The following CHST11 variants were observed in gnomAD, a reference collection of about 807,000 sequenced individuals.
CHST11 encodes the protein C4S-1.
A neutral mutation model predicts 30.4 loss-of-function variants in CHST11; 9 were observed. The ratio of observed to expected loss-of-function variants is 0.30; its 90% CI spans 0.18 to 0.52. The LOEUF is 0.52. CHST11 is among the 20% of genes least tolerant of loss of function. The pLI is 0.97. For synonymous variants in CHST11, 152 were observed against 187.8 expected (o/e 0.81, Z 1.56); for missense variants, 348 against 460.6 (o/e 0.76, Z 2.24).
At chr12:104,502,718 G>A (rs140440169) in intron 1 of CHST11, among the ~76,000 whole-genome samples, 188 of 152,292 alleles carry the variant, frequency 1.2e-3, no homozygotes, top group Admixed American at 5.2e-3. Context: ...AGACACCAGC[G>A]TGGGGCATCA....
At chr12:104,718,760 G>T (rs1044872605) in intron 2 of CHST11, among the ~76,000 whole-genome samples, 1 of 152,190 alleles carries the variant, frequency 6.6e-6, no homozygotes, top group East Asian at 1.9e-4. Context: ...CAGATGCAAT[G>T]CTTGCGAGAG....
At chr12:104,732,506 T>G (rs1169875639) in intron 2 of CHST11, among the ~76,000 whole-genome samples, 1 of 152,218 alleles carries the variant, frequency 6.6e-6, no homozygotes, top group African/African-American at 2.4e-5. Flanking sequence ...AAATAGACCT[T>G]CTTGCCCTAT....
At chr12:104,470,771 G>T (rs1217664248) in intron 1 of CHST11, among the ~76,000 whole-genome samples, 3 of 152,220 alleles carry the variant, frequency 2.0e-5, no homozygotes, top group African/African-American at 4.8e-5. Context: ...GAAGGAGCCT[G>T]CCTAATCGGA....
intron 1 of CHST11, among the ~76,000 whole-genome samples, chr12:104,482,355 C>A (rs561656962): frequency 0.062 from 1,811 of 29,266 alleles, 56 homozygotes; most frequent in East Asian, 0.27. Flanking sequence ...CCCCCCCCCG[C>A]AAAAATGAAA....
intron 1 of CHST11, among the ~76,000 whole-genome samples, chr12:104,525,948 G>A (rs1315720651): frequency 1.3e-5 from 2 of 151,746 alleles, no homozygotes; most frequent in Non-Finnish European, 2.9e-5. Flanking sequence ...GGGGGTGGGA[G>A]AAGAAAGAGC....
intron 1 of CHST11, among the ~76,000 whole-genome samples, chr12:104,562,022 A>G (rs1020722374): frequency 3.3e-5 from 5 of 152,104 alleles, no homozygotes; most frequent in East Asian, 1.9e-4. Context: ...CCTACTGCCC[A>G]GTCTCCTGGT....
chr12:104,504,088 A>C (rs1343575172), intron 1 of CHST11, among the ~76,000 whole-genome samples: 1 of 152,130 alleles, frequency 6.6e-6, no homozygotes, highest in Non-Finnish European at 1.5e-5. Flanking sequence ...CTCCATCAAG[A>C]TAATCATTCT....
At chr12:104,479,456 A>G (rs895871729) in intron 1 of CHST11, among the ~76,000 whole-genome samples, 1 of 152,172 alleles carries the variant, frequency 6.6e-6, no homozygotes, top group African/African-American at 2.4e-5. Context: ...TGCCTGTCCT[A>G]CAGCAAGTGT....
chr12:104,733,056 C>T (rs1181782612), intron 2 of CHST11, among the ~76,000 whole-genome samples: 1 of 152,216 alleles, frequency 6.6e-6, no homozygotes, highest in African/African-American at 2.4e-5. Flanking sequence ...GAAACTGAGG[C>T]CCAGACCAGT....
chr12:104,526,239 AAAAG>A (rs1389290950), intron 1 of CHST11, among the ~76,000 whole-genome samples: 2 of 152,092 alleles, frequency 1.3e-5, no homozygotes, highest in Non-Finnish European at 2.9e-5. Context: ...AAAGAAAAGA[AAAAG>A]AAAAGAAGGG....
intron 1 of CHST11, among the ~76,000 whole-genome samples, chr12:104,511,320 T>G (rs1246731822): frequency 6.6e-6 from 1 of 152,238 alleles, no homozygotes; most frequent in Non-Finnish European, 1.5e-5. Flanking sequence ...TGTTTCCCAC[T>G]TGCGAGGCTG....
intron 1 of CHST11, among the ~76,000 whole-genome samples, chr12:104,480,588 A>AAG (rs1024774312): frequency 3.3e-5 from 5 of 152,038 alleles, no homozygotes. Flanking sequence ...AAAAAAAAAA[A>AAG]AAAAAAAAAG....
At chr12:104,720,404 G>T (rs1004779233) in intron 2 of CHST11, among the ~76,000 whole-genome samples, 4 of 152,230 alleles carry the variant, frequency 2.6e-5, no homozygotes, top group Admixed American at 6.5e-5. Context: ...GTTTGGTGCT[G>T]TGTCTCTCCC....
chr12:104,496,879 T>G (rs1032324754), intron 1 of CHST11, among the ~76,000 whole-genome samples: 1 of 152,188 alleles, frequency 6.6e-6, no homozygotes, highest in African/African-American at 2.4e-5. Context: ...CAGAAAAACT[T>G]TCCACTGGAG....
rs1565981185 is a variant in CHST11, at chr12:104,544,145, AGAAAGAAAGAAAGAAAG to A, written c.119-57760_119-57744del. 5.2e-5 allele frequency among the ~76,000 whole-genome samples: 7 copies of A among 135,584 alleles called. 1 individual carries two copies. The highest frequency in any genetic ancestry group is 2.3e-4 in the South Asian group (1 of 4,392). The allele number at this position is 135,584 out of a possible 152,430, so 88.9% of individuals were successfully genotyped here. ...TCTGTTAAAAAAAAAAAAAAAAGAA[AGAAAGAAAGAAAGAAAG>A]AAAGAAAGAAAGAAAGAAAGACCTG... On this transcript the variant is annotated intron_variant, in intron 1 of 2. Coordinates refer to ENST00000303694, the MANE Select transcript of CHST11 (RefSeq NM_018413.6).
chr12:104,479,343 A>T (rs2037595770), intron 1 of CHST11, among the ~76,000 whole-genome samples: 1 of 152,120 alleles, frequency 6.6e-6, no homozygotes, highest in African/African-American at 2.4e-5. Context: ...AAGAGAGAGT[A>T]CTTCTTTTTT....
chr12:104,561,018 G>A (rs926554175), intron 1 of CHST11, among the ~76,000 whole-genome samples: 1 of 152,208 alleles, frequency 6.6e-6, no homozygotes, highest in Non-Finnish European at 1.5e-5. Flanking sequence ...ACTTAGAGGG[G>A]CTTGGCTTAG....
At position 104,676,606 on chromosome 12, in the gene CHST11, G is replaced by T. The variant is rs1258554052; in HGVS notation, c.204+74615G>T. Among the ~76,000 whole-genome samples the T allele has an allele frequency of 6.6e-6, 1 of 152,122 alleles. No homozygotes were observed. The highest frequency in any genetic ancestry group is 1.5e-5 in the Non-Finnish European group (1 of 68,020). ...ATTTTTGTATTTTTAGTAGAGATGG[G>T]GTTTCCCCATGTTGGCCAGGATGGT... On this transcript the variant is annotated intron_variant, in intron 2 of 2. Transcript: ENST00000303694. The surrounding 1 kb of genome is among the most constrained non-coding windows in gnomAD (Gnocchi z 4.4).
intron 1 of CHST11, among the ~76,000 whole-genome samples, chr12:104,486,770 T>C (rs2037683299): frequency 6.6e-6 from 1 of 152,200 alleles, no homozygotes; most frequent in Non-Finnish European, 1.5e-5. Flanking sequence ...AGAACTTCCC[T>C]GGGAGTAGGA....
Sources: allele counts gnomAD v4.1 joint callset (sites outside exome capture counted in the v4.1 genomes callset), GRCh38; gene constraint gnomAD v4.1.1; non-coding constraint Gnocchi (gnomAD v3.1); transcripts MANE v1.5; gene names NCBI Gene and HGNC (gene_info 2026-07-23, HGNC 2026-07-21).